The following NTM variants were observed in gnomAD, a reference collection of about 807,000 sequenced individuals.
NTM encodes the protein neurotrimin.
A neutral mutation model predicts 42.1 loss-of-function variants in NTM; 13 were observed. The observed-to-expected ratio is 0.31, with a 90% CI of 0.20 to 0.49. The LOEUF (loss-of-function observed/expected upper bound fraction) is 0.49, where lower values mean the gene tolerates loss of function less well. Among genes scored for constraint, NTM ranks in the 20% least tolerant of loss-of-function variants. NTM has a pLI of 0.99. For synonymous variants in NTM, 187 were observed against 179.2 expected (o/e 1.04, Z -0.35); for missense variants, 373 against 452.8 (o/e 0.82, Z 1.60).
chr11:131,459,408 TAAG>T (rs1174306148), intron 1 of NTM, among the ~76,000 whole-genome samples: 5 of 152,330 alleles, frequency 3.3e-5, no homozygotes, highest in South Asian at 2.1e-4. Context: ...TTGATGAGAA[TAAG>T]AAGTAATACG....
chr11:131,678,851 G>A (rs981359514), intron 1 of NTM, among the ~76,000 whole-genome samples: 38 of 152,182 alleles, frequency 2.5e-4, no homozygotes, highest in Admixed American at 3.3e-4. Flanking sequence ...TGTCCGGGAC[G>A]GGGCCTGCAC....
intron 1 of NTM, chr11:131,539,148 C>T (rs2052778826): frequency 6.6e-6 from 1 of 152,028 alleles, no homozygotes; most frequent in African/African-American, 2.4e-5. Flanking sequence ...TACAATGTTG[C>T]TCAGGTTGGT....
At chr11:131,400,936 T>C (rs1194201094) in intron 1 of NTM, among the ~76,000 whole-genome samples, 2 of 151,566 alleles carry the variant, frequency 1.3e-5, no homozygotes, top group Non-Finnish European at 2.9e-5. Flanking sequence ...AGTCTGATAC[T>C]GAACTTCTTC....
chr11:132,151,048 C>A (rs1028225136), intron 3 of NTM, among the ~76,000 whole-genome samples: 1 of 152,120 alleles, frequency 6.6e-6, no homozygotes, highest in Admixed American at 6.5e-5. Context: ...CTAATGATTT[C>A]CATCTCTTTG....
chr11:131,723,888 AAG>A (rs1338507857), intron 1 of NTM, among the ~76,000 whole-genome samples: 8 of 152,164 alleles, frequency 5.3e-5, no homozygotes, highest in African/African-American at 1.7e-4. Context: ...AAGAAAGGGA[AAG>A]AGAGATTTGT....
intron 1 of NTM, among the ~76,000 whole-genome samples, chr11:131,680,127 C>A (rs1413988316): frequency 6.6e-6 from 1 of 152,018 alleles, no homozygotes; most frequent in East Asian, 1.9e-4. Flanking sequence ...AGTCCAGGAG[C>A]CCTGACCCCC....
chr11:132,091,762 G>A (rs543021477), intron 2 of NTM, among the ~76,000 whole-genome samples: 8 of 152,212 alleles, frequency 5.3e-5, no homozygotes, highest in East Asian at 1.9e-4. Flanking sequence ...GATTACAGCC[G>A]TGAGCCACCA....
intron 4 of NTM, among the ~76,000 whole-genome samples, chr11:132,275,582 AT>A (rs959453329): frequency 6.6e-6 from 1 of 150,946 alleles, no homozygotes; most frequent in African/African-American, 2.4e-5. Context: ...AAGTTAGTCA[AT>A]TCTTTTTAAA....
At chr11:131,857,202 C>G (rs992223534) in intron 1 of NTM, among the ~76,000 whole-genome samples, 2 of 152,166 alleles carry the variant, frequency 1.3e-5, no homozygotes, top group Non-Finnish European at 2.9e-5. Flanking sequence ...GTTCTAACTC[C>G]TTTACTTGTC....
chr11:131,879,524 AT>A (rs2049137929), intron 1 of NTM, among the ~76,000 whole-genome samples: 1 of 152,230 alleles, frequency 6.6e-6, no homozygotes, highest in South Asian at 2.1e-4. Context: ...GAATTCAAGA[AT>A]ATAAAGCAAA....
At chr11:132,283,985 C>T (rs1179798114) in intron 4 of NTM, among the ~76,000 whole-genome samples, 4 of 152,172 alleles carry the variant, frequency 2.6e-5, no homozygotes, top group Non-Finnish European at 5.9e-5. Context: ...GCTTCTCCCT[C>T]TCCCTTCCTT....
intron 4 of NTM, among the ~76,000 whole-genome samples, chr11:132,251,674 C>T (rs1351513256): frequency 6.6e-6 from 1 of 152,176 alleles, no homozygotes; most frequent in Non-Finnish European, 1.5e-5. Context: ...ATGGCGGGAC[C>T]AATAGCCTGA....
chr11:131,423,373 T>C (rs1271801109), intron 1 of NTM, among the ~76,000 whole-genome samples: 1 of 152,202 alleles, frequency 6.6e-6, no homozygotes, highest in Non-Finnish European at 1.5e-5. Context: ...AGTTCTGCTA[T>C]GATGAGTTAG....
At chr11:132,120,584 C>G (rs972358969) in intron 2 of NTM, among the ~76,000 whole-genome samples, 5 of 152,086 alleles carry the variant, frequency 3.3e-5, no homozygotes, top group Non-Finnish European at 5.9e-5. Context: ...TTTTGAAGAC[C>G]AAATCTGTAA....
intron 4 of NTM, among the ~76,000 whole-genome samples, chr11:132,231,169 G>C (rs1289602629): frequency 1.3e-5 from 2 of 152,322 alleles, no homozygotes; most frequent in Admixed American, 6.5e-5. Context: ...ACAGAGTAAA[G>C]TGCCGGATGT....
At chr11:132,112,600 C>T (rs2063354945) in intron 2 of NTM, among the ~76,000 whole-genome samples, 1 of 152,056 alleles carries the variant, frequency 6.6e-6, no homozygotes, top group African/African-American at 2.4e-5. Context: ...CAAGAGGCGG[C>T]CTTCCACTAG....
intron 2 of NTM, among the ~76,000 whole-genome samples, chr11:132,071,720 G>A (rs1368597472): frequency 6.6e-6 from 1 of 152,154 alleles, no homozygotes; most frequent in East Asian, 1.9e-4. Context: ...TATGGGGTGT[G>A]CGTTTTTGTG....
intron 1 of NTM, among the ~76,000 whole-genome samples, chr11:131,881,362 G>A (rs560594894): frequency 3.3e-5 from 5 of 152,208 alleles, no homozygotes; most frequent in South Asian, 2.1e-4. Flanking sequence ...CAGAAACACC[G>A]AGTTCCAGTC....
At chr11:132,333,653 C>G (rs139840971) in intron 8 of NTM, among the ~76,000 whole-genome samples, 2 of 152,158 alleles carry the variant, frequency 1.3e-5, no homozygotes, top group African/African-American at 4.8e-5. Flanking sequence ...TAAGTATCCC[C>G]TGGGCTTCTC....
Sources: gnomAD v4.1 joint callset for allele counts (sites outside exome capture counted in the v4.1 genomes callset) on GRCh38, gnomAD v4.1.1 for gene constraint, MANE v1.5 for transcripts, NCBI Gene and HGNC (gene_info 2026-07-23, HGNC 2026-07-21) for gene names.